Variants in FHIT observed in about 807,000 individuals in gnomAD.
FHIT encodes fragile histidine triad diadenosine triphosphatase, also known as bis(5'-adenosyl)-triphosphatase.
In FHIT, 19 loss-of-function variants were observed where a neutral mutation model predicts 17.9. The observed-to-expected ratio is 1.06, with a 90% CI of 0.74 to 1.56. The LOEUF (loss-of-function observed/expected upper bound fraction) is 1.56. FHIT is among the 40% of genes most tolerant of loss of function. FHIT has a pLI of 0.00. For synonymous variants in FHIT, 81 were observed against 69.7 expected (o/e 1.16, Z -0.81); for missense variants, 248 against 189.2 (o/e 1.31, Z -1.82).
intron 5 of FHIT, among the ~76,000 whole-genome samples, chr3:60,086,340 G>A (rs1373698501): frequency 6.6e-6 from 1 of 152,130 alleles, no homozygotes; most frequent in Non-Finnish European, 1.5e-5. Flanking sequence ...GTTTTGAGAA[G>A]ACAAACATCC....
intron 3 of FHIT, among the ~76,000 whole-genome samples, chr3:60,946,903 C>T (rs1553775892): frequency 6.6e-6 from 1 of 152,176 alleles, no homozygotes; most frequent in African/African-American, 2.4e-5. Context: ...ACAATAGGCA[C>T]ATGTACTTCT....
chr3:60,201,982 G>T (rs902394598), intron 5 of FHIT, among the ~76,000 whole-genome samples: 1 of 152,170 alleles, frequency 6.6e-6, no homozygotes, highest in African/African-American at 2.4e-5. Flanking sequence ...CCTGTCCCAG[G>T]ATTGCCCACA....
chr3:61,078,335 G>T (rs943203449), intron 2 of FHIT, among the ~76,000 whole-genome samples: 1 of 152,080 alleles, frequency 6.6e-6, no homozygotes, highest in African/African-American at 2.4e-5. Context: ...GTCTCAGGGG[G>T]ATAAACAATA....
At chr3:60,964,813 T>C (rs1709638712) in intron 3 of FHIT, among the ~76,000 whole-genome samples, 1 of 152,346 alleles carries the variant, frequency 6.6e-6, no homozygotes, top group Non-Finnish European at 1.5e-5. Context: ...GTTAGTCTGA[T>C]GGGCTTCCCT....
chr3:60,844,565 C>G (rs148590479), intron 3 of FHIT, among the ~76,000 whole-genome samples: 1 of 152,198 alleles, frequency 6.6e-6, no homozygotes, highest in African/African-American at 2.4e-5. Flanking sequence ...CAATGACTAA[C>G]CAAATATGCT....
At chr3:61,182,140 G>C (rs2107173354) in intron 2 of FHIT, among the ~76,000 whole-genome samples, 1 of 152,280 alleles carries the variant, frequency 6.6e-6, no homozygotes, top group East Asian at 1.9e-4. Flanking sequence ...GGTAACATGG[G>C]TGAATCACAG....
At chr3:60,672,690 C>CTAAA (rs2040534223) in intron 4 of FHIT, among the ~76,000 whole-genome samples, 1 of 152,134 alleles carries the variant, frequency 6.6e-6, no homozygotes. Flanking sequence ...TTAATTGGGA[C>CTAAA]ATTTAGTCCA....
chr3:60,241,226 G>C (rs769378241), intron 5 of FHIT, among the ~76,000 whole-genome samples: 1 of 152,050 alleles, frequency 6.6e-6, no homozygotes, highest in Non-Finnish European at 1.5e-5. Context: ...CCCTAAGACA[G>C]TACCAAGGGA....
intron 4 of FHIT, among the ~76,000 whole-genome samples, chr3:60,603,978 G>A (rs2038526920): frequency 6.6e-6 from 1 of 152,060 alleles, no homozygotes; most frequent in South Asian, 2.1e-4. Context: ...AATAATAATG[G>A]TGACGAAGAG....
intron 5 of FHIT, among the ~76,000 whole-genome samples, chr3:60,329,659 C>A (rs572624813): frequency 6.6e-6 from 1 of 152,324 alleles, no homozygotes; most frequent in Non-Finnish European, 1.5e-5. Context: ...CCTATTCCAT[C>A]TGCATTCCTG....
chr3:60,048,139 G>C (rs1006856696), intron 5 of FHIT, among the ~76,000 whole-genome samples: 18 of 152,036 alleles, frequency 1.2e-4, no homozygotes, highest in African/African-American at 4.1e-4. Context: ...AGACCAGATT[G>C]GGACCCACCG....
chr3:60,319,960 G>A (rs6806167), intron 5 of FHIT, among the ~76,000 whole-genome samples: 1,844 of 152,186 alleles, frequency 0.012, 41 homozygotes, highest in African/African-American at 0.042. Flanking sequence ...CACAATAGCA[G>A]CTCTCACAAA....
chr3:60,932,639 T>C (rs1190240134), intron 3 of FHIT, among the ~76,000 whole-genome samples: 8 of 152,200 alleles, frequency 5.3e-5, no homozygotes, highest in African/African-American at 4.8e-5. Context: ...AGGGCTCTCA[T>C]TGGATTCTTG....
At chr3:61,184,997 T>G (rs1021337159) in intron 2 of FHIT, among the ~76,000 whole-genome samples, 1 of 152,130 alleles carries the variant, frequency 6.6e-6, no homozygotes, top group Non-Finnish European at 1.5e-5. Context: ...AAAACACAAC[T>G]GGTGATTTCT....
intron 7 of FHIT, among the ~76,000 whole-genome samples, chr3:59,969,414 C>G (rs547787294): frequency 6.6e-6 from 1 of 152,192 alleles, no homozygotes; most frequent in South Asian, 2.1e-4. Flanking sequence ...ATTTTGGGCT[C>G]TAATATGAGT....
At chr3:61,072,949 C>G (rs1408713264) in intron 2 of FHIT, among the ~76,000 whole-genome samples, 1 of 152,092 alleles carries the variant, frequency 6.6e-6, no homozygotes, top group African/African-American at 2.4e-5. Flanking sequence ...CCTTTTCCTC[C>G]TCTTAAAACA....
chr3:61,092,630 G>A (rs1228750950), intron 2 of FHIT, among the ~76,000 whole-genome samples: 1 of 151,946 alleles, frequency 6.6e-6, no homozygotes, highest in East Asian at 1.9e-4. Context: ...CTATTAAGAA[G>A]CACATAAAGC....
At chr3:60,553,991 G>A (rs548777427) in intron 4 of FHIT, among the ~76,000 whole-genome samples, 26 of 152,212 alleles carry the variant, frequency 1.7e-4, no homozygotes, top group Admixed American at 3.3e-4. Flanking sequence ...GGAGGCTGAG[G>A]CAGGAGAATC....
At chr3:60,650,975 A>T (rs2039975887) in intron 4 of FHIT, among the ~76,000 whole-genome samples, 2 of 152,138 alleles carry the variant, frequency 1.3e-5, no homozygotes. Flanking sequence ...AGCACTTCAT[A>T]TATATACCAT....
Sources: allele counts gnomAD v4.1 joint callset (sites outside exome capture counted in the v4.1 genomes callset), GRCh38; gene constraint gnomAD v4.1.1; transcripts MANE v1.5; gene names NCBI Gene and HGNC (gene_info 2026-07-23, HGNC 2026-07-21).